ZEB2: variants seen among roughly 807,000 people sequenced by gnomAD.
ZEB2 encodes zinc finger E-box-binding homeobox 2.
Under a neutral mutation model 99.9 loss-of-function variants are expected in ZEB2, and 6 were observed. The observed-to-expected ratio is 0.06, with a 90% CI of 0.03 to 0.12. The LOEUF (loss-of-function observed/expected upper bound fraction) is 0.12, where lower values mean the gene tolerates loss of function less well. ZEB2 is among the 10% of genes least tolerant of loss of function. The pLI, the probability that ZEB2 is intolerant of heterozygous loss-of-function variation, is 1.00. For synonymous variants in ZEB2, 517 were observed against 542.5 expected, an observed-to-expected ratio of 0.95 and a Z score of 0.65; for missense variants, 969 against 1,502.8, an observed-to-expected ratio of 0.64 and a Z score of 5.87.
At position 144,385,278 on chromosome 2, in the gene ZEB2, C is replaced by A. The variant is rs1033261075; in HGVS notation, c.*4173G>T. ...CTATTATATGATCAAGTGAGTGAAC[C>A]AATTAATCATTAGAAACAAATGTCA... is the stretch of plus-strand genomic sequence containing the variant. On this transcript the variant is annotated 3_prime_UTR_variant, in exon 10 of 10. Transcript: ENST00000627532. The A allele has an allele frequency of 7.0e-6, 1 of 143,668 alleles. No homozygotes were observed. The highest frequency in any genetic ancestry group is 3.0e-5 in the African/African-American group (1 of 33,544). The allele number at this position is 143,668 out of a possible 1,614,324, so 8.9% of individuals were successfully genotyped here.
intron 3 of ZEB2, chr2:144,429,513 A>T (rs928082790): frequency 3.8e-6 from 2 of 521,676 alleles, no homozygotes; most frequent in South Asian, 2.1e-5. Flanking sequence ...ACCTCATGTT[A>T]TGTGTTGAAA....
At chr2:144,483,118 AC>A (rs1704538533) in intron 2 of ZEB2, among the ~76,000 whole-genome samples, 1 of 5,230 alleles carries the variant, frequency 1.9e-4, no homozygotes, top group Admixed American at 1.6e-3. Flanking sequence ...TTTAGGTAAG[AC>A]ACACACACAC....
intron 8 of ZEB2, 96 bp from the exon 9 acceptor site, chr2:144,396,688 C>T: frequency 7.3e-7 from 1 of 1,361,928 alleles, no homozygotes; most frequent in South Asian, 1.2e-5. Flanking sequence ...CTCAAAATTG[C>T]TTGCTACTAA....
intron 2 of ZEB2, chr2:144,512,045 G>A (rs1705048748): frequency 2.3e-6 from 3 of 1,287,006 alleles, no homozygotes; most frequent in Non-Finnish European, 3.0e-6. Flanking sequence ...GTCTGACTTG[G>A]CCATTCAGAC....
intron 4 of ZEB2, among the ~76,000 whole-genome samples, chr2:144,413,807 A>G (rs1703497838): frequency 1.3e-5 from 2 of 152,250 alleles, no homozygotes; most frequent in African/African-American, 4.8e-5. Flanking sequence ...GAAATACGTT[A>G]TAATCAAACT....
chr2:144,418,968 G>T (rs530293119), intron 4 of ZEB2, among the ~76,000 whole-genome samples: 2 of 151,026 alleles, frequency 1.3e-5, no homozygotes, highest in Non-Finnish European at 3.0e-5. Context: ...AAAACCTATT[G>T]AAATAAAAAA....
At chr2:144,516,442 C>T (rs966912223) in intron 2 of ZEB2, 1 of 147,762 alleles carries the variant, frequency 6.8e-6, no homozygotes, top group Admixed American at 6.7e-5. Flanking sequence ...TCTCACCCCC[C>T]CCTTTAATAT....
rs1257342278 is a variant in ZEB2, at chr2:144,404,377, T to TG, written c.593-248dup. On this transcript the variant is annotated intron_variant, in intron 5 of 9. Coordinates refer to ENST00000627532, the MANE Select transcript of ZEB2 (RefSeq NM_014795.4). ...TTCAGGTTTTTTTTTTTTGGGGGGG[T>TG]GGGGGGGACTTAAACAGCTGATAAA... 2.9e-4 allele frequency among the ~76,000 whole-genome samples: 12 copies of TG among 40,878 alleles called. 1 individual carries two copies. Among genetic ancestry groups the TG allele is most frequent in the African/African-American group, 6.6e-4 (7 of 10,596 alleles). 26.8% of individuals were successfully genotyped at this position (40,878 alleles called of 152,430 possible).
chr2:144,468,375 A>C (rs1704302745), intron 2 of ZEB2, among the ~76,000 whole-genome samples: 1 of 152,182 alleles, frequency 6.6e-6, no homozygotes, highest in South Asian at 2.1e-4. Context: ...TGATGTTTGA[A>C]AAATCCTTTC....
intron 4 of ZEB2, among the ~76,000 whole-genome samples, chr2:144,416,194 T>C (rs1057345743): frequency 7.2e-5 from 11 of 152,162 alleles, no homozygotes; most frequent in African/African-American, 1.9e-4. Flanking sequence ...CCCTGAAAAG[T>C]TTCCTAGTCC....
At chr2:144,444,819 G>T (rs561196870) in intron 2 of ZEB2, 3 of 152,328 alleles carry the variant, frequency 2.0e-5, no homozygotes, top group African/African-American at 7.2e-5. Flanking sequence ...TCATAATAAA[G>T]AATGTTTAAT....
intron 2 of ZEB2, among the ~76,000 whole-genome samples, chr2:144,500,454 A>G (rs1197456576): frequency 9.2e-5 from 14 of 152,190 alleles, no homozygotes; most frequent in Admixed American, 9.2e-4. Context: ...GAGTGACTTC[A>G]TCTGTTTACA....
At chr2:144,448,626 T>C (rs1183197942) in intron 2 of ZEB2, 1 of 152,204 alleles carries the variant, frequency 6.6e-6, no homozygotes, top group Non-Finnish European at 1.5e-5. Flanking sequence ...ATATAATTAC[T>C]AGAGGCTATA....
intron 2 of ZEB2, chr2:144,450,402 A>G (rs969569716): frequency 1.3e-5 from 2 of 152,202 alleles, no homozygotes; most frequent in African/African-American, 4.8e-5. Flanking sequence ...AAAAAAATCA[A>G]TCTCTTTCTC....
chr2:144,458,483 T>C (rs1274888013), intron 2 of ZEB2, among the ~76,000 whole-genome samples: 1 of 152,118 alleles, frequency 6.6e-6, no homozygotes, highest in African/African-American at 2.4e-5. Context: ...TATCACAGTA[T>C]TCACCTTGGA....
At chr2:144,513,724 T>C (rs1001848345) in intron 2 of ZEB2, 37 of 1,535,808 alleles carry the variant, frequency 2.4e-5, no homozygotes, top group Non-Finnish European at 3.1e-5. Flanking sequence ...CTTTGCAAGT[T>C]ACAAACGGGC....
Position 144,499,361 on chromosome 2 carries a change from T to A in ZEB2, c.73+17917A>T, listed in dbSNP as rs35355807. 6.3e-3 allele frequency among the ~76,000 whole-genome samples: 957 copies of A among 152,264 alleles called. 11 individuals carry two copies. Among genetic ancestry groups the A allele is most frequent in the African/African-American group, 0.022 (900 of 41,552 alleles). ...TTTTAAAAGTCTAGCGGTTTAATAG[T>A]AAAAATACAGCGTAAATAGAAATAA... On this transcript the variant is annotated intron_variant, in intron 2 of 9. Transcript: ENST00000627532.
chr2:144,480,762 T>G (rs1015251551), intron 2 of ZEB2, among the ~76,000 whole-genome samples: 2 of 149,508 alleles, frequency 1.3e-5, no homozygotes, highest in African/African-American at 4.9e-5. Context: ...ACAAGGCTAA[T>G]AAATGTTCCC....
chr2:144,440,507 ATATATATATTTTTTTTTTTTT>A lies in ZEB2; in HGVS notation c.74-10502_74-10482del, dbSNP rs1384761675. ...GCAGTATATATATATATATATATAT[ATATATATATTTTTTTTTTTTT>A]TTTTTTTTTTTTTTAACTAGTGGTT... On this transcript the variant is annotated intron_variant, in intron 2 of 9. Coordinates refer to ENST00000627532, the MANE Select transcript of ZEB2 (RefSeq NM_014795.4). 0.029 allele frequency among the ~76,000 whole-genome samples: 436 copies of A among 14,864 alleles called. 9 individuals are homozygous for A. The East Asian group carries it at 0.36, about 12-fold the overall frequency. 9.8% of individuals were successfully genotyped at this position (14,864 alleles called of 152,430 possible).
Sources: allele counts gnomAD v4.1 joint callset (sites outside exome capture counted in the v4.1 genomes callset), GRCh38; gene constraint gnomAD v4.1.1; transcripts MANE v1.5; gene names NCBI Gene and HGNC (gene_info 2026-07-23, HGNC 2026-07-21).